Variants in TBC1D22A observed in about 807,000 individuals in gnomAD.
TBC1D22A encodes putative GTPase activator.
Under a neutral mutation model 60.2 loss-of-function variants are expected in TBC1D22A, and 38 were observed. The ratio of observed to expected loss-of-function variants is 0.63; its 90% CI spans 0.49 to 0.83. The LOEUF is 0.83. Among genes scored for constraint, TBC1D22A ranks in the 40% least tolerant of loss-of-function variants. The probability of loss-of-function intolerance (pLI) is 0.00; values close to 1 mark genes in which losing one functional copy is unlikely to be tolerated. For synonymous variants in TBC1D22A, 302 were observed against 281.7 expected, an observed-to-expected ratio of 1.07 and a Z score of -0.72; for missense variants, 628 against 701.0, an observed-to-expected ratio of 0.90 and a Z score of 1.18.
chr22:47,126,426 G>A (rs1273269285), intron 12 of TBC1D22A, among the ~76,000 whole-genome samples: 1 of 152,226 alleles, frequency 6.6e-6, no homozygotes, highest in Non-Finnish European at 1.5e-5. Flanking sequence ...GTAACTGGGT[G>A]GAGGCCAGCA....
At chr22:47,107,423 T>C (rs1258001369) in intron 11 of TBC1D22A, among the ~76,000 whole-genome samples, 1 of 152,094 alleles carries the variant, frequency 6.6e-6, no homozygotes, top group Non-Finnish European at 1.5e-5. Context: ...AAATAAAGAA[T>C]AGAGGGGAAC....
At chr22:47,105,411 C>G (rs151271050) in intron 11 of TBC1D22A, among the ~76,000 whole-genome samples, 1 of 152,270 alleles carries the variant, frequency 6.6e-6, no homozygotes, top group African/African-American at 2.4e-5. Flanking sequence ...AAATACAAAT[C>G]TAGAGAGTTA....
At chr22:46,905,778 C>G (rs1382465580) in intron 7 of TBC1D22A, among the ~76,000 whole-genome samples, 1 of 152,272 alleles carries the variant, frequency 6.6e-6, no homozygotes, top group Non-Finnish European at 1.5e-5. Context: ...GTTCCTCAAC[C>G]TGTGGGCGGG....
chr22:46,974,472 C>A, intron 9 of TBC1D22A, 73 bp downstream of exon 9: 2 of 1,307,208 alleles, frequency 1.5e-6, no homozygotes, highest in Non-Finnish European at 2.1e-6. Context: ...AGGCCTTAGG[C>A]TGCTCCTGAG....
At position 46,902,478 on chromosome 22, in the gene TBC1D22A, A is replaced by T. The variant is rs1202897797; in HGVS notation, c.900+7632A>T. Among the ~76,000 whole-genome samples, 5 of 152,370 alleles carry T rather than the reference A, an allele frequency of 3.3e-5. 1 individual carries two copies. Among genetic ancestry groups the T allele is most frequent in the Admixed American group, 3.3e-4 (5 of 15,306 alleles). ...GAGTACTTCTTGTTTGAACCATTTCAGATTATTCTGTGTTGTCCTTAAACA... is the reference window on the plus strand; with the variant it reads ...GAGTACTTCTTGTTTGAACCATTTCTGATTATTCTGTGTTGTCCTTAAACA... On this transcript the variant is annotated intron_variant, in intron 7 of 12. Coordinates refer to ENST00000337137, the MANE Select transcript of TBC1D22A (RefSeq NM_014346.5).
intron 11 of TBC1D22A, among the ~76,000 whole-genome samples, chr22:47,059,463 G>A (rs2063501658): frequency 1.3e-5 from 2 of 152,228 alleles, no homozygotes; most frequent in African/African-American, 4.8e-5. Context: ...TGAGCTGCAT[G>A]TAAAAGTTTT....
chr22:46,779,979 C>T (rs1296071368), intron 1 of TBC1D22A, among the ~76,000 whole-genome samples: 3 of 152,138 alleles, frequency 2.0e-5, no homozygotes, highest in South Asian at 2.1e-4. Flanking sequence ...ATGCTGTGGA[C>T]GGAGGGGATG....
At chr22:47,148,435 C>G (rs1469070706) in intron 12 of TBC1D22A, among the ~76,000 whole-genome samples, 1 of 152,114 alleles carries the variant, frequency 6.6e-6, no homozygotes, top group African/African-American at 2.4e-5. Context: ...GAGGATGTGC[C>G]TAAGAGAGTT....
intron 11 of TBC1D22A, among the ~76,000 whole-genome samples, chr22:47,109,477 G>T (rs191283824): frequency 1.4e-4 from 21 of 152,156 alleles, no homozygotes; most frequent in Non-Finnish European, 3.1e-4. Flanking sequence ...GCCCCAGCTC[G>T]CTGGTCATTC....
intron 12 of TBC1D22A, among the ~76,000 whole-genome samples, chr22:47,169,334 G>A (rs1276299828): frequency 1.3e-5 from 2 of 152,180 alleles, no homozygotes; most frequent in African/African-American, 4.8e-5. Context: ...GTGTCCGAGA[G>A]TGTCTAGGGC....
intron 8 of TBC1D22A, among the ~76,000 whole-genome samples, chr22:46,927,094 C>T (rs1602515247): frequency 6.6e-6 from 1 of 152,268 alleles, no homozygotes; most frequent in African/African-American, 2.4e-5. Context: ...CACTTTTCAC[C>T]TCATTCTATG....
intron 1 of TBC1D22A, chr22:46,763,145 A>T: frequency 2.5e-6 from 1 of 395,060 alleles, no homozygotes; most frequent in Non-Finnish European, 4.5e-6. Context: ...GGAGGCTGGA[A>T]GGAACTGATT....
chr22:46,823,021 A>G (rs2085895501), intron 4 of TBC1D22A, among the ~76,000 whole-genome samples: 1 of 152,194 alleles, frequency 6.6e-6, no homozygotes, highest in South Asian at 2.1e-4. Flanking sequence ...TGCTGGGACC[A>G]TTCAGACCAA....
chr22:46,941,763 A>ATG (rs1569249436), intron 8 of TBC1D22A, among the ~76,000 whole-genome samples: 20 of 143,918 alleles, frequency 1.4e-4, no homozygotes, highest in Admixed American at 5.0e-4. Flanking sequence ...ATATATATAT[A>ATG]CGGAATATGT....
intron 8 of TBC1D22A, chr22:46,913,308 CTGT>C: frequency 7.3e-7 from 1 of 1,363,302 alleles, no homozygotes; most frequent in Non-Finnish European, 9.8e-7. Flanking sequence ...TGGTGCTCGC[CTGT>C]TGTTATTACA....
intron 8 of TBC1D22A, among the ~76,000 whole-genome samples, chr22:46,961,358 T>A (rs1193881140): frequency 2.0e-5 from 3 of 152,214 alleles, no homozygotes; most frequent in African/African-American, 7.2e-5. Flanking sequence ...GATTCACACC[T>A]AAGTTCTGCC....
chr22:46,824,400 G>A (rs890145454), intron 4 of TBC1D22A, among the ~76,000 whole-genome samples: 3 of 152,194 alleles, frequency 2.0e-5, no homozygotes, highest in Non-Finnish European at 4.4e-5. Flanking sequence ...GGGTGTGTGG[G>A]GATGAGCTTG....
intron 11 of TBC1D22A, among the ~76,000 whole-genome samples, chr22:47,105,230 G>T (rs1194249798): frequency 6.6e-6 from 1 of 151,928 alleles, no homozygotes; most frequent in Non-Finnish European, 1.5e-5. Flanking sequence ...CTTGAAATGA[G>T]TGGATTTAAA....
At chr22:47,037,545 T>C (rs982195225) in intron 11 of TBC1D22A, among the ~76,000 whole-genome samples, 1 of 152,160 alleles carries the variant, frequency 6.6e-6, no homozygotes, top group Non-Finnish European at 1.5e-5. Flanking sequence ...GCATGAGAAT[T>C]GCTTGAACCC....
Sources: allele counts gnomAD v4.1 joint callset (sites outside exome capture counted in the v4.1 genomes callset), GRCh38; gene constraint gnomAD v4.1.1; transcripts MANE v1.5; gene names NCBI Gene and HGNC (gene_info 2026-07-23, HGNC 2026-07-21).